Variants in MRAP2 observed in about 807,000 individuals in gnomAD.
The protein encoded by MRAP2 is melanocortin 2 receptor accessory protein 2.
A neutral mutation model predicts 17.4 loss-of-function variants in MRAP2; 20 were observed. That is an observed-to-expected ratio of 1.15 (90% CI 0.81 to 1.67). MRAP2 has a LOEUF of 1.67. Ranked by LOEUF, MRAP2 falls within the 40% of genes most tolerant of loss-of-function variation. The pLI is 0.00. For missense variants in MRAP2, 238 were observed against 240.0 expected (o/e 0.99, Z 0.05); for synonymous variants, 96 against 88.4 (o/e 1.09, Z -0.48).
chr6:84,100,501 A>T, the MRAP2 span, among the ~76,000 whole-genome samples: 2 of 152,238 alleles, frequency 1.3e-5, no homozygotes, highest in Non-Finnish European at 2.9e-5. Context: ...TCCTGGGCTC[A>T]AGCAATCCAC....
chr6:84,080,864 G>A (rs1050028547), intron 3 of MRAP2, among the ~76,000 whole-genome samples: 1 of 152,104 alleles, frequency 6.6e-6, no homozygotes, highest in African/African-American at 2.4e-5. Flanking sequence ...TGAACACAGG[G>A]GATTAGGTGA....
At chr6:84,035,494 C>G in intron 1 of MRAP2, 1 of 808,508 alleles carries the variant, frequency 1.2e-6, no homozygotes, top group Non-Finnish European at 1.5e-6. Context: ...GGCTAATGAT[C>G]AGTTTAGTGA....
At chr6:84,099,956 G>T in the MRAP2 span, among the ~76,000 whole-genome samples, 1 of 151,766 alleles carries the variant, frequency 6.6e-6, no homozygotes, top group Non-Finnish European at 1.5e-5. Context: ...CACCTCTTGG[G>T]TTCAAGCGAT....
intron 2 of MRAP2, among the ~76,000 whole-genome samples, chr6:84,057,739 A>G (rs1314544562): frequency 1.3e-5 from 2 of 152,236 alleles, no homozygotes; most frequent in Non-Finnish European, 2.9e-5. Flanking sequence ...CTTGCATTCT[A>G]GTGGGAGAGA....
intron 3 of MRAP2, among the ~76,000 whole-genome samples, chr6:84,069,314 AT>A (rs2099495601): frequency 1.3e-5 from 2 of 151,758 alleles, no homozygotes; most frequent in Admixed American, 6.6e-5. Context: ...GAGATGCTGG[AT>A]TTTGTCAAAT....
intron 3 of MRAP2, among the ~76,000 whole-genome samples, chr6:84,084,651 A>G (rs549625618): frequency 9.2e-5 from 14 of 152,252 alleles, no homozygotes; most frequent in Admixed American, 8.5e-4. Context: ...AGGCAGAAAA[A>G]TAAAATAGAG....
the MRAP2 span, among the ~76,000 whole-genome samples, chr6:84,098,265 ATGT>A: frequency 1.3e-5 from 2 of 152,266 alleles, no homozygotes; most frequent in South Asian, 4.1e-4. Flanking sequence ...AGATTCGTCC[ATGT>A]TGTTGTGTGT....
At chr6:84,063,137 G>A in intron 3 of MRAP2, 145 bp downstream of exon 3, 2 of 1,462,398 alleles carry the variant, frequency 1.4e-6, no homozygotes, top group South Asian at 1.4e-5. Context: ...GATGCCCGTG[G>A]ATGGGATCCA....
intron 3 of MRAP2, 34 bp downstream of exon 3, chr6:84,063,026 C>G: frequency 6.2e-7 from 1 of 1,613,656 alleles, no homozygotes; most frequent in Non-Finnish European, 8.5e-7. Context: ...GTCTCTTAAG[C>G]CTCACAGGAG....
At chr6:84,098,766 C>A in the MRAP2 span, among the ~76,000 whole-genome samples, 1 of 152,034 alleles carries the variant, frequency 6.6e-6, no homozygotes, top group East Asian at 1.9e-4. Flanking sequence ...TAGCAAAGTG[C>A]CTTTCAAGTC....
intron 3 of MRAP2, among the ~76,000 whole-genome samples, chr6:84,080,922 T>A (rs758616827): frequency 6.6e-6 from 1 of 152,192 alleles, no homozygotes; most frequent in Non-Finnish European, 1.5e-5. Flanking sequence ...TATATATGGG[T>A]CTTAATTTTC....
chr6:84,077,030 A>G (rs1251335117), intron 3 of MRAP2, among the ~76,000 whole-genome samples: 10 of 152,194 alleles, frequency 6.6e-5, no homozygotes, highest in South Asian at 2.1e-4. Flanking sequence ...TGTTCAGTAC[A>G]TGGTATTTCA....
chr6:84,084,752 A>G (rs2099499841), intron 3 of MRAP2, among the ~76,000 whole-genome samples: 1 of 152,104 alleles, frequency 6.6e-6, no homozygotes, highest in South Asian at 2.1e-4. Context: ...AGTTTGAATG[A>G]TCTCCATGAT....
At chr6:84,112,214 C>T in the MRAP2 span, among the ~76,000 whole-genome samples, 2 of 152,092 alleles carry the variant, frequency 1.3e-5, no homozygotes, top group Non-Finnish European at 2.9e-5. Context: ...TAGAATTAGG[C>T]TGTGAATCCG....
the MRAP2 span, among the ~76,000 whole-genome samples, chr6:84,145,257 C>CA: frequency 4.6e-5 from 7 of 152,060 alleles, no homozygotes; most frequent in African/African-American, 1.7e-4. Context: ...GTATTGCAGG[C>CA]AAAATCTGAT....
At chr6:84,113,888 A>C in the MRAP2 span, among the ~76,000 whole-genome samples, 1 of 151,792 alleles carries the variant, frequency 6.6e-6, no homozygotes, top group Admixed American at 6.6e-5. Context: ...AAAATTATTT[A>C]AGAACATTGA....
chr6:84,083,720 T>A lies in MRAP2; in HGVS notation c.228-5371T>A, dbSNP rs533502953. ...AACTAAAAACACGTGGGTTAGTTACTATATTTTTGTTACAGTACTCAATTT... is the reference window on the plus strand; with the variant it reads ...AACTAAAAACACGTGGGTTAGTTACAATATTTTTGTTACAGTACTCAATTT... On this transcript the variant is annotated intron_variant, in intron 3 of 3. Transcript: ENST00000257776. Among the ~76,000 whole-genome samples, 11 of 152,342 alleles carry A rather than the reference T, an allele frequency of 7.2e-5. No individual in the cohort carries two copies. In the East Asian group the frequency reaches 2.1e-3, roughly 29 times the overall value.
the MRAP2 span, among the ~76,000 whole-genome samples, chr6:84,097,083 C>T: frequency 6.6e-6 from 1 of 152,184 alleles, no homozygotes; most frequent in Non-Finnish European, 1.5e-5. Flanking sequence ...TGTTCAAAAT[C>T]CTTCAATGGC....
At chr6:84,134,209 C>A in the MRAP2 span, among the ~76,000 whole-genome samples, 1 of 152,200 alleles carries the variant, frequency 6.6e-6, no homozygotes, top group Admixed American at 6.5e-5. Context: ...CCACTCCCCC[C>A]ACCAAGCTTG....
Sources: gnomAD v4.1 joint callset for allele counts (sites outside exome capture counted in the v4.1 genomes callset) on GRCh38, gnomAD v4.1.1 for gene constraint, MANE v1.5 for transcripts, NCBI Gene and HGNC (gene_info 2026-07-23, HGNC 2026-07-21) for gene names.